Variants in CACNA1F observed in about 807,000 individuals in gnomAD.
CACNA1F encodes the protein voltage-dependent L-type calcium channel subunit alpha-1F.
In CACNA1F, 59 loss-of-function variants were observed where a neutral mutation model predicts 143.8. The ratio of observed to expected loss-of-function variants is 0.41; its 90% CI spans 0.33 to 0.51. The LOEUF (loss-of-function observed/expected upper bound fraction) is 0.51, where lower values mean the gene tolerates loss of function less well. Ranked by LOEUF, CACNA1F falls within the 20% of genes least tolerant of loss-of-function variation. The pLI, the probability that CACNA1F is intolerant of heterozygous loss-of-function variation, is 0.22. For synonymous variants in CACNA1F, 643 were observed against 649.1 expected, an observed-to-expected ratio of 0.99 and a Z score of 0.14; for missense variants, 1,411 against 1,647.5, an observed-to-expected ratio of 0.86 and a Z score of 2.48.
rs1422013184 is a variant in CACNA1F at position 49,210,677 on chromosome X, G to C, written c.4398C>G (p.Ile1466Met). ...SEYDPGAKGR[I>M]KHLDVVALLR... ...GCAGGGCAACCACATCCAAGTGTTT[G>C]ATGCGGCCCCTGGAGGAGTTGGGGA... Residue 1466 changes from isoleucine (I) to methionine (M), a missense_variant, in exon 38 of 48, where the codon ATC becomes ATG. By Grantham distance (10) the Ile-to-Met change is conservative (BLOSUM62 1). Transcript: ENST00000323022. 3.3e-6 allele frequency: 4 copies of C among 1,207,848 alleles called. No homozygotes were observed. In the East Asian group the frequency reaches 1.2e-4, roughly 36 times the overall value.
intron 29 of CACNA1F, among the ~76,000 whole-genome samples, chrX:49,214,546 C>T (rs2065691667): frequency 1.8e-5 from 2 of 112,305 alleles, no homozygotes; most frequent in South Asian, 3.7e-4. Flanking sequence ...TTTTGCTTTC[C>T]GATGAAAGGA....
chrX:49,216,381 C>A lies in CACNA1F; in HGVS notation c.3236+1G>T. ...GATAAACCCAGGGCCCTGTCCCTCA[C>A]GCAGGCCAGCCTTCAAAGGTGGAGA... On this transcript the variant is annotated splice_donor_variant, in intron 27 of 47. Transcript: ENST00000323022. LOFTEE classifies it high-confidence loss of function. The A allele has an allele frequency of 8.3e-7, 1 of 1,210,661 alleles. No individual in the cohort carries two copies. Among genetic ancestry groups the A allele is most frequent in the Non-Finnish European group, 1.1e-6 (1 of 894,497 alleles).
chrX:49,211,850 G>A, intron 35 of CACNA1F, 48 bp downstream of exon 35: 3 of 1,052,234 alleles, frequency 2.9e-6, no homozygotes, highest in East Asian at 3.0e-5. Flanking sequence ...AGAGAGGGTG[G>A]GTGGGCACCC....
At chrX:49,224,080 C>T (rs1382419824) in intron 14 of CACNA1F, among the ~76,000 whole-genome samples, 1 of 110,813 alleles carries the variant, frequency 9.0e-6, no homozygotes, top group African/African-American at 3.3e-5. Context: ...TGGGTTTCAG[C>T]TTGGGACTGG....
chrX:49,223,285 G>A (rs1402886012), intron 14 of CACNA1F, 149 bp from the exon 15 acceptor site: 1 of 467,120 alleles, frequency 2.1e-6, no homozygotes, highest in Non-Finnish European at 3.8e-6. Context: ...AAATGATTTT[G>A]GAGTTGGGGT....
intron 42 of CACNA1F, 21 bp from the exon 43 acceptor site, chrX:49,208,705 G>C: frequency 8.3e-7 from 1 of 1,201,956 alleles, no homozygotes; most frequent in South Asian, 1.8e-5. Flanking sequence ...TCACAGGACT[G>C]AGTGTTGCAT....
In CACNA1F at chrX:49,215,328, G is replaced by A; in HGVS notation, c.3438+14C>T. ...TTGGTGACCATCCATAGGGGGTCAG[G>A]GGTCAGAGGTCACCTGGTTCTTGTC... On this transcript the variant is annotated intron_variant, in intron 28 of 47. Transcript: ENST00000323022. The A allele has an allele frequency of 8.3e-7, 1 of 1,207,825 alleles. No individual in the cohort carries two copies. The highest frequency in any genetic ancestry group is 1.1e-6 in the Non-Finnish European group (1 of 892,484).
At position 49,226,636 on chromosome X, in the gene CACNA1F, C is replaced by T. The variant is rs782571580; in HGVS notation, c.1343G>A (p.Arg448His). ...GRLRWFSHSTRSTHSTSSHAS... is the reference protein window; with the variant it reads ...GRLRWFSHSTHSTHSTSSHAS... ...ATGGCTGCTGGTGGAGTGTGTGGAG[C>T]GAGTAGAATGACTGAACCAGCGCAG... Residue 448 changes from arginine (R) to histidine (H), a missense_variant, in exon 10 of 48, where the codon CGC becomes CAC. By Grantham distance (29) the Arg-to-His change is conservative (BLOSUM62 0). This residue lies in a region of CACNA1F where 950 missense variants were observed against 1,128.1 expected (regional missense o/e 0.84). Coordinates refer to ENST00000323022, the MANE Select transcript of CACNA1F (RefSeq NM_001256789.3). 25 of 1,180,812 alleles carry T rather than the reference C, an allele frequency of 2.1e-5. No homozygotes were observed. The highest frequency in any genetic ancestry group is 3.4e-6 in the Non-Finnish European group (3 of 880,513).
At chrX:49,210,121 A>G in intron 39 of CACNA1F, 79 bp from the exon 40 acceptor site, 1 of 768,680 alleles carries the variant, frequency 1.3e-6, no homozygotes, top group African/African-American at 2.0e-5. Context: ...GGTGGGGGGA[A>G]CTTCACAAGC....
chrX:49,210,535 T>C, intron 38 of CACNA1F, 55 bp downstream of exon 38: 1 of 1,096,718 alleles, frequency 9.1e-7, no homozygotes, highest in Non-Finnish European at 1.3e-6. Flanking sequence ...CTTCCCACCC[T>C]TGCCATGTGA....
chrX:49,209,825 C>T (rs1157608348), intron 40 of CACNA1F, 66 bp from the exon 41 acceptor site: 10 of 1,173,995 alleles, frequency 8.5e-6, no homozygotes, highest in Middle Eastern at 2.3e-4. Context: ...CTCGCCGCCT[C>T]TCTACCCACC....
chrX:49,216,587 C>A, intron 26 of CACNA1F, 59 bp from the exon 27 acceptor site: 1 of 1,060,836 alleles, frequency 9.4e-7, no homozygotes, highest in Non-Finnish European at 1.3e-6. Context: ...GGGAAAGGGT[C>A]TGGGGTCTCC....
At chrX:49,210,861 T>C (rs1014074034) in intron 37 of CACNA1F, 104 bp downstream of exon 37, 16 of 958,732 alleles carry the variant, frequency 1.7e-5, no homozygotes, top group Admixed American at 2.6e-5. Context: ...GGGGCATCTA[T>C]TGACTGGGTA....
At chrX:49,212,610 G>A in intron 33 of CACNA1F, 57 bp downstream of exon 33, 2 of 1,152,149 alleles carry the variant, frequency 1.7e-6, no homozygotes, top group Non-Finnish European at 2.4e-6. Flanking sequence ...AAAGGGGCAG[G>A]CTGAGAAGTG....
rs892154850 is a variant in CACNA1F, at chrX:49,218,442, G to A, written c.2928+13C>T. The stretch of plus-strand genomic sequence containing the variant: ...GGGCCTGGGTCCTGTGGGTTTGGGT[G>A]GGGTGGGGTTACCTTGAGTCCCTTG... On this transcript the variant is annotated intron_variant, in intron 24 of 47. Transcript: ENST00000323022. 8.6e-6 allele frequency: 10 copies of A among 1,159,169 alleles called. No individual in the cohort carries two copies. In the African/African-American group the frequency reaches 1.4e-4, roughly 17 times the overall value.
In CACNA1F at chrX:49,205,682, G is replaced by A. The variant is rs782728310; in HGVS notation, c.5604C>T (p.His1868=). The change falls in exon 47 of 48, where the codon CAC becomes CAT. Residue 1868 remains histidine, a synonymous_variant. Transcript: ENST00000323022. ...SGPLRTFTCL[H]VPGTHSDPSH... is the part of the protein sequence containing the mutation. Reference sequence around the variant, plus strand: ...TGGGGTCCGAGTGGGTTCCAGGCACGTGCAGACAGGTGAAGGTGCGCAGTG... The same window carrying A: ...TGGGGTCCGAGTGGGTTCCAGGCACATGCAGACAGGTGAAGGTGCGCAGTG... The A allele has an allele frequency of 9.1e-6, 11 of 1,202,729 alleles. No homozygotes were observed. Among genetic ancestry groups the A allele is most frequent in the South Asian group, 1.8e-5 (1 of 55,558 alleles).
rs996437920 is a variant in CACNA1F, at chrX:49,226,962, C to A, written c.1276+8G>T. ...GATGGCCCGCCCGGCCCTCTTCAGC[C>A]ATAGAACCAAGGTTGTCATCGGCGG... On this transcript the variant is annotated splice_region_variant and intron_variant, in intron 9 of 47. Transcript: ENST00000323022. 30 of 1,210,775 alleles carry A rather than the reference C, an allele frequency of 2.5e-5. No homozygotes were observed. Among genetic ancestry groups the A allele is most frequent in the Non-Finnish European group, 3.4e-5 (30 of 895,317 alleles).
In CACNA1F at chrX:49,205,804, C is replaced by T. The variant is rs1557104754; in HGVS notation, c.5482G>A (p.Ala1828Thr). The T allele has an allele frequency of 8.3e-7, 1 of 1,200,101 alleles. No individual in the cohort carries two copies. The highest frequency in any genetic ancestry group is 1.1e-6 in the Non-Finnish European group (1 of 889,611). ...AGCCGACCCCGCTGAGGTGGTGTTGCCCAGGAACCCTGAGCCAGAATAAAC... is the reference window on the plus strand; with the variant it reads ...AGCCGACCCCGCTGAGGTGGTGTTGTCCAGGAACCCTGAGCCAGAATAAAC... ...SGPNRAQGSW[A>T]TPPQRGRLLY... The change falls in exon 47 of 48, where the codon GCA (alanine) becomes ACA (threonine). Residue 1828 changes from alanine (A) to threonine (T), a missense_variant. By Grantham distance (58) the Ala-to-Thr change is moderately conservative. Transcript: ENST00000323022.
chrX:49,209,604 C>G (rs782006201), intron 41 of CACNA1F, 25 bp downstream of exon 41: 120 of 1,208,901 alleles, frequency 9.9e-5, no homozygotes, highest in Non-Finnish European at 4.9e-5. Context: ...ACGTGCCCAT[C>G]CACACTAGGC....
Sources: allele counts gnomAD v4.1 joint callset (sites outside exome capture counted in the v4.1 genomes callset), GRCh38; gene constraint gnomAD v4.1.1; regional missense constraint gnomAD v4.1.1; transcripts MANE v1.5; gene names NCBI Gene and HGNC (gene_info 2026-07-23, HGNC 2026-07-21).